JPT2: variants seen among roughly 807,000 people sequenced by gnomAD.
JPT2 encodes the protein CRAMP_1 like.
JPT2 carries 9 observed loss-of-function variants against 15.9 expected under a neutral mutation model. The observed-to-expected ratio is 0.57, with a 90% CI of 0.34 to 0.99. JPT2 has a LOEUF of 0.99. JPT2 is among the 50% of genes least tolerant of loss of function. The pLI, the probability that JPT2 is intolerant of heterozygous loss-of-function variation, is 0.02. For synonymous variants in JPT2, 95 were observed against 91.7 expected, an observed-to-expected ratio of 1.04 and a Z score of -0.21; for missense variants, 267 against 252.1, an observed-to-expected ratio of 1.06 and a Z score of -0.40.
intron 1 of JPT2, among the ~76,000 whole-genome samples, chr16:1,680,047 A>C (rs1387168283): frequency 1.3e-5 from 2 of 152,206 alleles, no homozygotes; most frequent in Non-Finnish European, 1.5e-5. Flanking sequence ...TGACAGAGCA[A>C]GACTCCGTCT....
chr16:1,693,089 G>GT (rs1229192278), intron 3 of JPT2, among the ~76,000 whole-genome samples: 26 of 152,076 alleles, frequency 1.7e-4, no homozygotes, highest in Non-Finnish European at 3.5e-4. Flanking sequence ...GTTTGGTCGT[G>GT]TTTTTTCGTT....
intron 1 of JPT2, among the ~76,000 whole-genome samples, chr16:1,681,130 C>A (rs2037019448): frequency 6.6e-6 from 1 of 152,198 alleles, no homozygotes. Context: ...CGTTCCCCCT[C>A]CCCCTATTAG....
At chr16:1,681,682 G>A (rs1045943937) in intron 1 of JPT2, among the ~76,000 whole-genome samples, 2 of 152,182 alleles carry the variant, frequency 1.3e-5, no homozygotes, top group African/African-American at 4.8e-5. Context: ...AAGCTCCTCC[G>A]GGGTAAGGAC....
chr16:1,693,327 C>T (rs1431491794), intron 3 of JPT2, among the ~76,000 whole-genome samples: 1 of 152,166 alleles, frequency 6.6e-6, no homozygotes, highest in Non-Finnish European at 1.5e-5. Flanking sequence ...GAACTCCTGT[C>T]CTCCAGTGAT....
Position 1,701,926 on chromosome 16 carries a change from C to T in JPT2, c.*2928C>T, listed in dbSNP as rs1449096719. 3 of 325,578 alleles carry T rather than the reference C, an allele frequency of 9.2e-6. No individual in the cohort carries two copies. The highest frequency in any genetic ancestry group is 6.5e-5 in the African/African-American group (3 of 46,398). 20.2% of individuals were successfully genotyped at this position (325,578 alleles called of 1,614,324 possible). A position where few individuals can be genotyped will look rare whatever the true frequency, so the allele number is the denominator to read the frequency against. On this transcript the variant is annotated 3_prime_UTR_variant, in exon 5 of 5. Coordinates refer to ENST00000248098, the MANE Select transcript of JPT2 (RefSeq NM_144570.3). ...ATGTGGTGGTGCATGCCTGTAGTCC[C>T]AGCTACTCGGGAGGCTGAGTGAGGC...
intron 1 of JPT2, chr16:1,680,677 T>C (rs2037015757): frequency 5.2e-6 from 1 of 191,484 alleles, no homozygotes; most frequent in South Asian, 9.7e-5. Context: ...AGACCTCACA[T>C]CTCTCCTTTC....
intron 3 of JPT2, among the ~76,000 whole-genome samples, chr16:1,694,252 T>C (rs191178854): frequency 5.8e-4 from 89 of 152,316 alleles, no homozygotes; most frequent in African/African-American, 1.8e-3. Flanking sequence ...CCAACACTTA[T>C]GGGCCTGGGA....
intron 2 of JPT2, 86 bp from the exon 3 acceptor site, chr16:1,691,757 G>T (rs953106259): frequency 3.3e-6 from 5 of 1,496,546 alleles, no homozygotes; most frequent in African/African-American, 1.4e-5. Flanking sequence ...TCCTATGAGA[G>T]GAGGTCTCCA....
At chr16:1,685,816 C>G in intron 2 of JPT2, 1 of 386,092 alleles carries the variant, frequency 2.6e-6, no homozygotes, top group Non-Finnish European at 4.5e-6. Flanking sequence ...AATACAGGCA[C>G]TGAGGACACA....
At chr16:1,691,147 G>T (rs554656222) in intron 2 of JPT2, among the ~76,000 whole-genome samples, 1 of 152,346 alleles carries the variant, frequency 6.6e-6, no homozygotes, top group South Asian at 2.1e-4. Flanking sequence ...GAGATGATCA[G>T]TTGGTCCCAC....
intron 1 of JPT2, among the ~76,000 whole-genome samples, chr16:1,682,219 T>TA (rs2037028822): frequency 6.7e-6 from 1 of 149,998 alleles, no homozygotes; most frequent in Non-Finnish European, 1.5e-5. Context: ...GTACTAAAAA[T>TA]ACAAAAAAAT....
downstream of JPT2, among the ~76,000 whole-genome samples, chr16:1,702,594 G>A (rs117875011): frequency 4.1e-4 from 63 of 152,340 alleles, 1 homozygote; most frequent in East Asian, 0.011. Context: ...TGATCTTTGT[G>A]GTGTACCTGG....
In JPT2 at chr16:1,701,238, C is replaced by T. The variant is rs983054454; in HGVS notation, c.*2240C>T. The T allele has an allele frequency of 1.3e-5, 2 of 152,642 alleles. No homozygotes were observed. The highest frequency in any genetic ancestry group is 2.1e-4 in the South Asian group (1 of 4,834). 9.5% of individuals were successfully genotyped at this position (152,642 alleles called of 1,614,324 possible). On this transcript the variant is annotated 3_prime_UTR_variant, in exon 5 of 5. Transcript: ENST00000248098. Reference sequence around the variant, plus strand: ...CTCTAAGCTGCATTGAGAAATGACTCGTCTCTGTATTTGTATTAAGCCTTA... The same window carrying T: ...CTCTAAGCTGCATTGAGAAATGACTTGTCTCTGTATTTGTATTAAGCCTTA...
intron 3 of JPT2, 35 bp downstream of exon 3, chr16:1,692,020 C>T (rs368471021): frequency 1.6e-5 from 26 of 1,610,254 alleles, no homozygotes; most frequent in Admixed American, 1.0e-4. Flanking sequence ...AGCGCAGCAG[C>T]GGGTATGCCA....
intron 3 of JPT2, among the ~76,000 whole-genome samples, chr16:1,697,252 G>A (rs1383553341): frequency 1.3e-5 from 2 of 152,180 alleles, no homozygotes; most frequent in African/African-American, 2.4e-5. Context: ...AGTGGCTCAC[G>A]CCTATAATCC....
rs1281372497 is a variant in JPT2, at chr16:1,691,858, G to A, written c.209G>A (p.Gly70Asp). Reference sequence around the variant, plus strand: ...GTTTCTGCAGGGGGTAAAGGAAGTGGTATCTTTGACGAATCAACCCCCGTG... The same window carrying A: ...GTTTCTGCAGGGGGTAAAGGAAGTGATATCTTTGACGAATCAACCCCCGTG... ...RTNPPGGKGS[G>D]IFDESTPVQT... Residue 70 changes from glycine (G) to aspartate (D), a missense_variant, in exon 3 of 5, where the codon GGT (glycine) becomes GAT (aspartate). Coordinates refer to ENST00000248098, the MANE Select transcript of JPT2 (RefSeq NM_144570.3). 2.5e-6 allele frequency: 4 copies of A among 1,613,688 alleles called. No homozygotes were observed. The African/African-American group carries it at 5.3e-5, about 22-fold the overall frequency.
rs936323116 is a variant in JPT2 at position 1,698,469 on chromosome 16, G to A, written c.386-342G>A. On this transcript the variant is annotated intron_variant, in intron 4 of 4. Coordinates refer to ENST00000248098, the MANE Select transcript of JPT2 (RefSeq NM_144570.3). The surrounding 1 kb of genome is among the most constrained non-coding windows in gnomAD (Gnocchi z 4.9). ...CTCACCTAGGATGCATTCCCTCGCCGCCTCATGGTCACTCTCAGGGGCTTG... is the reference window on the plus strand; with the variant it reads ...CTCACCTAGGATGCATTCCCTCGCCACCTCATGGTCACTCTCAGGGGCTTG... Among the ~76,000 whole-genome samples the A allele has an allele frequency of 3.9e-5, 6 of 152,138 alleles. No individual in the cohort carries two copies. The highest frequency in any genetic ancestry group is 5.9e-5 in the Non-Finnish European group (4 of 68,034).
At position 1,698,425 on chromosome 16, in the gene JPT2, G is replaced by A. The variant is rs1309333116; in HGVS notation, c.386-386G>A. Among the ~76,000 whole-genome samples the A allele has an allele frequency of 6.6e-6, 1 of 152,204 alleles. No homozygotes were observed. Among genetic ancestry groups the A allele is most frequent in the East Asian group, 1.9e-4 (1 of 5,196 alleles). ...GCCCAGGGTAACAGCAACAGAGCCTGCCTTTGCCTTGCTAAGCCCTCACCT... is the reference window on the plus strand; with the variant it reads ...GCCCAGGGTAACAGCAACAGAGCCTACCTTTGCCTTGCTAAGCCCTCACCT... On this transcript the variant is annotated intron_variant, in intron 4 of 4. Transcript: ENST00000248098. This position sits in a 1 kb window ranked among gnomAD's most constrained non-coding sequence, Gnocchi z 4.9.
Position 1,698,926 on chromosome 16 carries a change from G to A in JPT2, c.501G>A (p.Leu167=). 6.2e-7 allele frequency: 1 copy of A among 1,614,240 alleles called. No individual in the cohort carries two copies. Among genetic ancestry groups the A allele is most frequent in the Non-Finnish European group, 8.5e-7 (1 of 1,180,044 alleles). The part of the protein sequence containing the change: ...MPTVDSHEPR[L]GPRPRSHNKV... ...CAGTCGACAGCCATGAGCCCCGGCT[G>A]GGGCCGCGGCCTCGCTCTCACAACA... is the stretch of plus-strand genomic sequence containing the variant. Residue 167 remains leucine (L), a synonymous_variant, in exon 5 of 5, where the codon CTG becomes CTA. Coordinates refer to ENST00000248098, the MANE Select transcript of JPT2 (RefSeq NM_144570.3). The surrounding 1 kb of genome is among the most constrained non-coding windows in gnomAD (Gnocchi z 4.9).
Sources: gnomAD v4.1 joint callset for allele counts (sites outside exome capture counted in the v4.1 genomes callset) on GRCh38, gnomAD v4.1.1 for gene constraint, Gnocchi (gnomAD v3.1) non-coding constraint, MANE v1.5 for transcripts, NCBI Gene and HGNC (gene_info 2026-07-23, HGNC 2026-07-21) for gene names.